PARD3B: variants seen among roughly 807,000 people sequenced by gnomAD.
The protein encoded by PARD3B is partitioning defective 3 homolog B.
Under a neutral mutation model 130.2 loss-of-function variants are expected in PARD3B, and 103 were observed. That is an observed-to-expected ratio of 0.79 (90% CI 0.67 to 0.93). The LOEUF (loss-of-function observed/expected upper bound fraction) is 0.93. Ranked by LOEUF, PARD3B falls within the 40% of genes least tolerant of loss-of-function variation. The pLI is 0.00. For missense variants in PARD3B, 1,609 were observed against 1,499.2 expected (o/e 1.07, Z -1.21); for synonymous variants, 583 against 553.2 (o/e 1.05, Z -0.76).
rs1375515234 is a variant in PARD3B at position 205,021,664 on chromosome 2, A to ATC, written c.395-25916_395-25915insCT. On this transcript the variant is annotated intron_variant, in intron 3 of 22. Coordinates refer to ENST00000406610, the MANE Select transcript of PARD3B (RefSeq NM_001302769.2). This position sits in a 1 kb window ranked among gnomAD's most constrained non-coding sequence, Gnocchi z 4.5. ...TCTCTCTCTCTCTATATATATATAT[A>ATC]TAGTTAATCTTTTCAATGACCCTGT... 1.4e-5 allele frequency among the ~76,000 whole-genome samples: 2 copies of ATC among 141,718 alleles called. No individual in the cohort carries two copies. Among genetic ancestry groups the ATC allele is most frequent in the African/African-American group, 5.4e-5 (2 of 37,356 alleles). 93.0% of individuals were successfully genotyped at this position (141,718 alleles called of 152,430 possible). A position where few individuals can be genotyped will look rare whatever the true frequency, so the allele number is the denominator to read the frequency against.
chr2:205,143,964 C>T (rs2033165168), intron 10 of PARD3B, among the ~76,000 whole-genome samples: 1 of 152,114 alleles, frequency 6.6e-6, no homozygotes, highest in Non-Finnish European at 1.5e-5. Context: ...TTCCACCCTC[C>T]TCCCCCTAAA....
chr2:204,684,301 A>G (rs983186838), intron 1 of PARD3B, among the ~76,000 whole-genome samples: 3 of 152,206 alleles, frequency 2.0e-5, no homozygotes, highest in African/African-American at 4.8e-5. Flanking sequence ...TTTAGAATAC[A>G]TTACTTTTTA....
At chr2:205,614,209 C>T (rs952889540) in intron 22 of PARD3B, among the ~76,000 whole-genome samples, 3 of 152,138 alleles carry the variant, frequency 2.0e-5, no homozygotes, top group Non-Finnish European at 2.9e-5. Flanking sequence ...TTATGGCAAA[C>T]GGATCAGAAG....
intron 18 of PARD3B, among the ~76,000 whole-genome samples, chr2:205,383,913 C>T (rs190174739): frequency 9.9e-5 from 15 of 152,058 alleles, no homozygotes; most frequent in Non-Finnish European, 1.9e-4. Context: ...CTTCTTCTAA[C>T]CTAATTTGTG....
rs1022140836 is a variant in PARD3B, at chr2:205,325,844, A to T, written c.2630+24143A>T. On this transcript the variant is annotated intron_variant, in intron 18 of 22. Transcript: ENST00000406610. The surrounding 1 kb of genome is among the most constrained non-coding windows in gnomAD (Gnocchi z 4.1). The stretch of plus-strand genomic sequence containing the variant: ...TACCTACAATTATCAGGGCAAATAT[A>T]TAGAAGGAACAAAATTGAAAAACAA... Among the ~76,000 whole-genome samples, 1 of 152,240 alleles carries T rather than the reference A, an allele frequency of 6.6e-6. No individual in the cohort carries two copies. Among genetic ancestry groups the T allele is most frequent in the Non-Finnish European group, 1.5e-5 (1 of 68,042 alleles).
At chr2:204,846,546 ACTTTGT>A (rs2044468929) in intron 2 of PARD3B, among the ~76,000 whole-genome samples, 1 of 151,436 alleles carries the variant, frequency 6.6e-6, no homozygotes, top group African/African-American at 2.4e-5. Context: ...AAGTAAAATA[ACTTTGT>A]GAGGGTGGGG....
chr2:204,623,434 C>T lies in PARD3B; in HGVS notation c.121-62747C>T, dbSNP rs1162538389. ...TGCCACCCCTTTATAGTCATACCCA[C>T]ACCCAGCACCCTCCACCATCCCTTT... On this transcript the variant is annotated intron_variant, in intron 1 of 22. Coordinates refer to ENST00000406610, the MANE Select transcript of PARD3B (RefSeq NM_001302769.2). The surrounding 1 kb of genome is among the most constrained non-coding windows in gnomAD (Gnocchi z 4.5). Among the ~76,000 whole-genome samples the T allele has an allele frequency of 6.6e-6, 1 of 152,134 alleles. No individual in the cohort carries two copies. The highest frequency in any genetic ancestry group is 1.5e-5 in the Non-Finnish European group (1 of 68,006).
chr2:205,408,830 C>G (rs935291473), intron 19 of PARD3B, among the ~76,000 whole-genome samples: 7 of 152,106 alleles, frequency 4.6e-5, no homozygotes, highest in Admixed American at 3.3e-4. Context: ...GTAGAATTTT[C>G]TAGGTCCTGT....
In PARD3B at chr2:204,689,512, T is replaced by A. The variant is rs542221450; in HGVS notation, c.222+3230T>A. On this transcript the variant is annotated intron_variant, in intron 2 of 22. Coordinates refer to ENST00000406610, the MANE Select transcript of PARD3B (RefSeq NM_001302769.2). This position sits in a 1 kb window ranked among gnomAD's most constrained non-coding sequence, Gnocchi z 5.2. Reference sequence around the variant, plus strand: ...TTGTCTATCAGTCTGATGATTCGAGTTCTTTGGGATAAATATCTAAGAATT... The same window carrying A: ...TTGTCTATCAGTCTGATGATTCGAGATCTTTGGGATAAATATCTAAGAATT... Among the ~76,000 whole-genome samples, 9 of 152,220 alleles carry A rather than the reference T, an allele frequency of 5.9e-5. No individual in the cohort carries two copies. Among genetic ancestry groups the A allele is most frequent in the African/African-American group, 1.9e-4 (8 of 41,536 alleles).
rs903510976 is a variant in PARD3B at position 205,263,044 on chromosome 2, G to T, written c.2185+17222G>T. ...AGCTAGATTGAAAGCCCAAGGTACT[G>T]CCATGGGGGTAATTTATGAATCTGG... On this transcript the variant is annotated intron_variant, in intron 16 of 22. Transcript: ENST00000406610. The surrounding 1 kb of genome is among the most constrained non-coding windows in gnomAD (Gnocchi z 4.0). Among the ~76,000 whole-genome samples, 2 of 152,020 alleles carry T rather than the reference G, an allele frequency of 1.3e-5. No homozygotes were observed. Among genetic ancestry groups the T allele is most frequent in the East Asian group, 3.9e-4 (2 of 5,186 alleles).
chr2:205,126,018 G>A (rs1384063522), intron 10 of PARD3B, among the ~76,000 whole-genome samples: 1 of 152,124 alleles, frequency 6.6e-6, no homozygotes, highest in Non-Finnish European at 1.5e-5. Flanking sequence ...AATATATATT[G>A]AATATGTGCT....
chr2:204,938,298 G>A (rs567478284), intron 2 of PARD3B, among the ~76,000 whole-genome samples: 75 of 152,276 alleles, frequency 4.9e-4, no homozygotes, highest in African/African-American at 1.3e-3. Context: ...CATAGCTTAC[G>A]CACTGTATTA....
chr2:204,888,657 G>C (rs879312004), intron 2 of PARD3B, among the ~76,000 whole-genome samples: 3 of 151,298 alleles, frequency 2.0e-5, no homozygotes, highest in Admixed American at 2.0e-4. Flanking sequence ...TTTGAACCTG[G>C]GAGGTCAAGG....
At chr2:205,058,612 G>A (rs945580608) in intron 4 of PARD3B, among the ~76,000 whole-genome samples, 1 of 151,860 alleles carries the variant, frequency 6.6e-6, no homozygotes, top group Non-Finnish European at 1.5e-5. Flanking sequence ...GTTGGTTTCT[G>A]TTTTGTTTTT....
At chr2:205,012,178 C>T (rs1473279833) in intron 3 of PARD3B, among the ~76,000 whole-genome samples, 3 of 152,112 alleles carry the variant, frequency 2.0e-5, no homozygotes, top group Non-Finnish European at 2.9e-5. Context: ...TTTCACTTCC[C>T]ATCTTCCAAC....
intron 20 of PARD3B, among the ~76,000 whole-genome samples, chr2:205,497,556 C>A (rs1020667138): frequency 6.6e-6 from 1 of 150,740 alleles, no homozygotes; most frequent in Non-Finnish European, 1.5e-5. Context: ...TGGAACCCAA[C>A]TGTAATATTT....
At chr2:205,532,080 A>G (rs943403334) in intron 21 of PARD3B, among the ~76,000 whole-genome samples, 2 of 152,216 alleles carry the variant, frequency 1.3e-5, no homozygotes, top group Non-Finnish European at 2.9e-5. Flanking sequence ...ATGCGCTGGC[A>G]TAACTGTCTT....
At chr2:205,270,026 A>G (rs1306945393) in intron 16 of PARD3B, among the ~76,000 whole-genome samples, 1 of 152,180 alleles carries the variant, frequency 6.6e-6, no homozygotes, top group Non-Finnish European at 1.5e-5. Context: ...CAAAGGATAA[A>G]TTCTTCAGGG....
chr2:205,036,598 G>A (rs1697922872), intron 3 of PARD3B, among the ~76,000 whole-genome samples: 1 of 146,606 alleles, frequency 6.8e-6, no homozygotes, highest in African/African-American at 2.5e-5. Flanking sequence ...ACAGCGGACT[G>A]TATGTACAAA....
Sources: allele counts gnomAD v4.1 joint callset (sites outside exome capture counted in the v4.1 genomes callset), GRCh38; gene constraint gnomAD v4.1.1; non-coding constraint Gnocchi (gnomAD v3.1); transcripts MANE v1.5; gene names NCBI Gene and HGNC (gene_info 2026-07-23, HGNC 2026-07-21).